SND1: variants seen among roughly 807,000 people sequenced by gnomAD.
SND1 encodes staphylococcal nuclease domain-containing protein 1.
In SND1, 38 loss-of-function variants were observed where a neutral mutation model predicts 121.7. The observed-to-expected ratio is 0.31, with a 90% CI of 0.24 to 0.41. The LOEUF is 0.41. Ranked by LOEUF, SND1 falls within the 10% of genes least tolerant of loss-of-function variation. The pLI, the probability that SND1 is intolerant of heterozygous loss-of-function variation, is 1.00. For missense variants in SND1, 868 were observed against 1,184.6 expected (o/e 0.73, Z 3.92); for synonymous variants, 401 against 447.4 (o/e 0.90, Z 1.31).
chr7:127,786,968 C>T (rs896057576), intron 10 of SND1, among the ~76,000 whole-genome samples: 8 of 152,166 alleles, frequency 5.3e-5, no homozygotes, highest in African/African-American at 1.9e-4. Flanking sequence ...AAGAAATTAG[C>T]ATATGAGTTA....
chr7:127,952,419 G>A (rs1405111246), intron 15 of SND1, among the ~76,000 whole-genome samples: 2 of 152,176 alleles, frequency 1.3e-5, no homozygotes, highest in Admixed American at 1.3e-4. Flanking sequence ...CCAAAGGGCA[G>A]GCAACAACCA....
At chr7:127,686,592 C>T in intron 1 of SND1, 21 bp from the exon 2 acceptor site, 1 of 1,609,040 alleles carries the variant, frequency 6.2e-7, no homozygotes, top group Non-Finnish European at 8.5e-7. Flanking sequence ...CATTCATTTT[C>T]TCTTTCTTCC....
At chr7:127,680,497 A>G (rs1310783362) in intron 1 of SND1, among the ~76,000 whole-genome samples, 2 of 152,150 alleles carry the variant, frequency 1.3e-5, no homozygotes, top group Non-Finnish European at 2.9e-5. Flanking sequence ...TCAGGGGCAC[A>G]TTCTCTTTCT....
At chr7:127,889,957 G>A (rs1460164694) in intron 13 of SND1, among the ~76,000 whole-genome samples, 1 of 151,924 alleles carries the variant, frequency 6.6e-6, no homozygotes, top group Non-Finnish European at 1.5e-5. Context: ...TCCAAGTTTT[G>A]GCTGTTGTGA....
intron 12 of SND1, among the ~76,000 whole-genome samples, chr7:127,872,548 A>C (rs1466997447): frequency 6.6e-6 from 1 of 151,344 alleles, no homozygotes; most frequent in Non-Finnish European, 1.5e-5. Flanking sequence ...TATTTTTTAT[A>C]ATTTAGATGA....
At chr7:127,984,241 C>T (rs1162260990) in intron 15 of SND1, among the ~76,000 whole-genome samples, 1 of 152,186 alleles carries the variant, frequency 6.6e-6, no homozygotes, top group African/African-American at 2.4e-5. Context: ...TGCTATGCTC[C>T]AGCCTCAGGT....
rs550024143 is a variant in SND1, at chr7:127,706,500, C to T, written c.948-1057C>T. ...GTCTCGATCTCCTGACCTCGTGATC[C>T]GCCCGCCTTGGCCTCCCAAAGTGCT... is the stretch of plus-strand genomic sequence containing the variant. On this transcript the variant is annotated intron_variant, in intron 8 of 23. Transcript: ENST00000354725. 9.8e-4 allele frequency among the ~76,000 whole-genome samples: 149 copies of T among 152,052 alleles called. 1 individual carries two copies. Among genetic ancestry groups the T allele is most frequent in the Non-Finnish European group, 1.8e-3 (120 of 68,004 alleles).
intron 14 of SND1, among the ~76,000 whole-genome samples, chr7:127,923,299 CT>C (rs1013105015): frequency 1.3e-5 from 2 of 151,976 alleles, no homozygotes; most frequent in Non-Finnish European, 2.9e-5. Flanking sequence ...GCTTTAGCAC[CT>C]TTTTTTTCTG....
chr7:127,769,877 T>A (rs1162560188), intron 10 of SND1, among the ~76,000 whole-genome samples: 3 of 152,216 alleles, frequency 2.0e-5, no homozygotes, highest in African/African-American at 7.2e-5. Flanking sequence ...GCTTTTTAAC[T>A]CTCAGCGTGT....
chr7:128,065,149 T>A (rs1159865038), intron 16 of SND1, among the ~76,000 whole-genome samples: 1 of 152,202 alleles, frequency 6.6e-6, no homozygotes, highest in African/African-American at 2.4e-5. Flanking sequence ...GGGAAGGTGA[T>A]GACAGAAAGA....
intron 10 of SND1, among the ~76,000 whole-genome samples, chr7:127,796,059 AT>A (rs1798017832): frequency 6.6e-6 from 1 of 151,746 alleles, no homozygotes; most frequent in African/African-American, 2.4e-5. Flanking sequence ...GGGTTTCACC[AT>A]GTTAGCCAGG....
At chr7:128,046,036 T>G (rs1792939816) in intron 16 of SND1, among the ~76,000 whole-genome samples, 2 of 152,198 alleles carry the variant, frequency 1.3e-5, no homozygotes, top group Non-Finnish European at 2.9e-5. Context: ...AGGGAACTCT[T>G]TTCCTCCACC....
chr7:127,777,461 T>C (rs994490660), intron 10 of SND1, among the ~76,000 whole-genome samples: 1 of 152,194 alleles, frequency 6.6e-6, no homozygotes, highest in Non-Finnish European at 1.5e-5. Flanking sequence ...TTTGGGTGTC[T>C]AGACTTCCGT....
chr7:128,023,581 C>G (rs1803406360), intron 16 of SND1, among the ~76,000 whole-genome samples: 1 of 152,170 alleles, frequency 6.6e-6, no homozygotes, highest in Non-Finnish European at 1.5e-5. Flanking sequence ...GTGTAGGGAT[C>G]AGAGCACAAG....
chr7:127,797,748 C>G (rs1798052652), intron 10 of SND1, among the ~76,000 whole-genome samples: 1 of 146,306 alleles, frequency 6.8e-6, no homozygotes, highest in South Asian at 2.2e-4. Context: ...TGATACTGTT[C>G]TTTTATTTCA....
At chr7:127,775,189 T>TA (rs1212653467) in intron 10 of SND1, among the ~76,000 whole-genome samples, 4 of 152,200 alleles carry the variant, frequency 2.6e-5, no homozygotes, top group African/African-American at 9.6e-5. Flanking sequence ...AAGGACGGAT[T>TA]ATTCCTTAGA....
intron 14 of SND1, among the ~76,000 whole-genome samples, chr7:127,922,008 G>A (rs1055703493): frequency 2.0e-5 from 3 of 151,736 alleles, no homozygotes; most frequent in Admixed American, 2.0e-4. Flanking sequence ...TAAAGAATGA[G>A]ACAGGGTCTT....
At chr7:127,865,518 A>G (rs1349876070) in intron 12 of SND1, among the ~76,000 whole-genome samples, 1 of 152,208 alleles carries the variant, frequency 6.6e-6, no homozygotes, top group Non-Finnish European at 1.5e-5. Context: ...TAAACAAACA[A>G]ACAAACAAAC....
At chr7:128,038,567 T>C (rs1418587665) in intron 16 of SND1, among the ~76,000 whole-genome samples, 3 of 152,228 alleles carry the variant, frequency 2.0e-5, no homozygotes, top group African/African-American at 7.2e-5. Flanking sequence ...AGTCAGTTAC[T>C]GAGGGGATTC....
Sources: gnomAD v4.1 joint callset for allele counts (sites outside exome capture counted in the v4.1 genomes callset) on GRCh38, gnomAD v4.1.1 for gene constraint, MANE v1.5 for transcripts, NCBI Gene and HGNC (gene_info 2026-07-23, HGNC 2026-07-21) for gene names.